AATF: variants seen among roughly 807,000 people sequenced by gnomAD.
AATF encodes protein AATF.
In AATF, 48 loss-of-function variants were observed where a neutral mutation model predicts 63.7. The observed-to-expected ratio is 0.75, with a 90% CI of 0.60 to 0.96. AATF has a LOEUF of 0.96. AATF is among the 40% of genes least tolerant of loss of function. AATF has a pLI of 0.00. For synonymous variants in AATF, 258 were observed against 247.7 expected, an observed-to-expected ratio of 1.04 and a Z score of -0.39; for missense variants, 639 against 685.7, an observed-to-expected ratio of 0.93 and a Z score of 0.76.
intron 4 of AATF, among the ~76,000 whole-genome samples, chr17:36,954,560 C>T (rs1369240900): frequency 6.6e-6 from 1 of 152,130 alleles, no homozygotes; most frequent in Non-Finnish European, 1.5e-5. Flanking sequence ...TTATATCTTT[C>T]TTTGAGTGAC....
intron 4 of AATF, among the ~76,000 whole-genome samples, chr17:36,961,908 C>T (rs879704373): frequency 6.6e-6 from 1 of 152,174 alleles, no homozygotes; most frequent in Non-Finnish European, 1.5e-5. Flanking sequence ...CTCCTGACCT[C>T]AGGTAATCTG....
chr17:36,990,314 A>G (rs895733577), intron 7 of AATF, among the ~76,000 whole-genome samples: 3 of 152,202 alleles, frequency 2.0e-5, no homozygotes, highest in Non-Finnish European at 2.9e-5. Flanking sequence ...TATGCAAACA[A>G]TGGATATTAT....
chr17:37,039,878 G>A (rs1178361218), intron 11 of AATF, among the ~76,000 whole-genome samples: 1 of 152,160 alleles, frequency 6.6e-6, no homozygotes, highest in Non-Finnish European at 1.5e-5. Flanking sequence ...CCAAGCAGGA[G>A]GTAGAGTGAT....
intron 10 of AATF, among the ~76,000 whole-genome samples, chr17:37,021,457 C>T (rs1366072966): frequency 6.6e-6 from 1 of 151,928 alleles, no homozygotes; most frequent in African/African-American, 2.4e-5. Context: ...GGTGAAACCC[C>T]ATCTCTACTA....
At chr17:37,031,469 A>T in intron 10 of AATF, 145 bp from the exon 11 acceptor site, 1 of 684,828 alleles carries the variant, frequency 1.5e-6, no homozygotes, top group South Asian at 1.7e-5. Flanking sequence ...TGACAGTGGT[A>T]AGTGCCTATG....
intron 2 of AATF, among the ~76,000 whole-genome samples, chr17:36,952,394 G>A (rs1026940941): frequency 1.3e-5 from 2 of 152,214 alleles, no homozygotes; most frequent in African/African-American, 4.8e-5. Context: ...GGCTCATAAT[G>A]AGTGCTTAAT....
chr17:36,977,360 T>C (rs1212217790), intron 4 of AATF, among the ~76,000 whole-genome samples: 1 of 152,170 alleles, frequency 6.6e-6, no homozygotes, highest in Admixed American at 6.6e-5. Context: ...CTGCATGGAA[T>C]CCCTGTTTTA....
chr17:37,013,595 CG>C (rs1167351328), intron 8 of AATF, among the ~76,000 whole-genome samples: 1 of 147,464 alleles, frequency 6.8e-6, no homozygotes, highest in Non-Finnish European at 1.5e-5. Flanking sequence ...TCTAATAGAG[CG>C]GGAACTCACT....
chr17:36,954,772 C>T (rs934469845), intron 4 of AATF, among the ~76,000 whole-genome samples: 3 of 152,176 alleles, frequency 2.0e-5, no homozygotes, highest in African/African-American at 7.2e-5. Flanking sequence ...AGATGAGGCT[C>T]CAACTTTTCT....
intron 11 of AATF, among the ~76,000 whole-genome samples, chr17:37,042,252 T>G (rs2071646715): frequency 6.6e-6 from 1 of 152,066 alleles, no homozygotes; most frequent in African/African-American, 2.4e-5. Context: ...TTAGGCAATC[T>G]CTCCTGTATC....
At chr17:37,025,528 G>A (rs1048100476) in intron 10 of AATF, among the ~76,000 whole-genome samples, 1 of 152,180 alleles carries the variant, frequency 6.6e-6, no homozygotes, top group East Asian at 1.9e-4. Context: ...CGACAGCGAT[G>A]AATACAGGAC....
intron 11 of AATF, among the ~76,000 whole-genome samples, chr17:37,051,667 C>T (rs1005242914): frequency 6.7e-5 from 10 of 149,936 alleles, no homozygotes; most frequent in African/African-American, 9.9e-5. Flanking sequence ...ATAAATAAGC[C>T]GAATCCTAAG....
At chr17:36,957,617 C>T (rs2142207791) in intron 4 of AATF, among the ~76,000 whole-genome samples, 1 of 152,306 alleles carries the variant, frequency 6.6e-6, no homozygotes, top group South Asian at 2.1e-4. Context: ...CTCCTTGAAG[C>T]GTTTAACTTT....
At chr17:36,988,994 A>G (rs1361567521) in intron 6 of AATF, among the ~76,000 whole-genome samples, 1 of 152,198 alleles carries the variant, frequency 6.6e-6, no homozygotes, top group Non-Finnish European at 1.5e-5. Context: ...AAAGGAGTGG[A>G]TTTCAAAGCA....
intron 4 of AATF, among the ~76,000 whole-genome samples, chr17:36,965,277 G>T (rs536501768): frequency 6.6e-6 from 1 of 152,204 alleles, no homozygotes; most frequent in African/African-American, 2.4e-5. Flanking sequence ...AAATCTGTTT[G>T]CTTGCCTTTT....
At chr17:36,986,012 T>TA (rs1213253101) in intron 4 of AATF, among the ~76,000 whole-genome samples, 1 of 152,186 alleles carries the variant, frequency 6.6e-6, no homozygotes, top group African/African-American at 2.4e-5. Flanking sequence ...AGAAAGTGAT[T>TA]CATTAGCTTG....
Position 36,953,138 on chromosome 17 carries a change from G to A in AATF, c.536G>A (p.Gly179Asp). 1 of 1,614,162 alleles carries A rather than the reference G, an allele frequency of 6.2e-7. No individual in the cohort carries two copies. The highest frequency in any genetic ancestry group is 2.2e-5 in the East Asian group (1 of 44,878). ...GAGGAGGAGGAAGACGAAGAGAGTG[G>A]CATGGAAGAAGGGGATGACGCGGAA... ...SSEEEEDEES[G>D]MEEGDDAEDS... Residue 179 changes from glycine (G) to aspartate (D), a missense_variant, in exon 3 of 12, where the codon GGC (glycine) becomes GAC (aspartate). Transcript: ENST00000619387.
intron 11 of AATF, among the ~76,000 whole-genome samples, chr17:37,041,233 G>A (rs2071637264): frequency 6.6e-6 from 1 of 152,056 alleles, no homozygotes; most frequent in South Asian, 2.1e-4. Context: ...ATTTTTAAAA[G>A]CATTTTAATA....
In AATF at chr17:36,988,739, G is replaced by T; in HGVS notation, c.1149+19G>T. On this transcript the variant is annotated intron_variant, in intron 6 of 11. Coordinates refer to ENST00000619387, the MANE Select transcript of AATF (RefSeq NM_012138.4). Reference sequence around the variant, plus strand: ...GGGGAAGGCAAGTGTGTGTATGCGCGCATGTATGTGTAAGATAGGTTGTGG... The same window carrying T: ...GGGGAAGGCAAGTGTGTGTATGCGCTCATGTATGTGTAAGATAGGTTGTGG... 1 of 1,610,966 alleles carries T rather than the reference G, an allele frequency of 6.2e-7. No individual in the cohort carries two copies. Among genetic ancestry groups the T allele is most frequent in the Non-Finnish European group, 8.5e-7 (1 of 1,178,612 alleles).
Sources: gnomAD v4.1 joint callset for allele counts (sites outside exome capture counted in the v4.1 genomes callset) on GRCh38, gnomAD v4.1.1 for gene constraint, MANE v1.5 for transcripts, NCBI Gene and HGNC (gene_info 2026-07-23, HGNC 2026-07-21) for gene names.